The following OSBPL1A variants were observed in gnomAD, a reference collection of about 807,000 sequenced individuals.
OSBPL1A encodes oxysterol binding protein like 1A.
A neutral mutation model predicts 137.1 loss-of-function variants in OSBPL1A; 80 were observed. The observed-to-expected ratio is 0.58, with a 90% CI of 0.49 to 0.70. OSBPL1A has a LOEUF of 0.70. Among genes scored for constraint, OSBPL1A ranks in the 30% least tolerant of loss-of-function variants. The pLI is 0.00. For synonymous variants in OSBPL1A, 365 were observed against 389.7 expected, an observed-to-expected ratio of 0.94 and a Z score of 0.75; for missense variants, 970 against 1,129.4, an observed-to-expected ratio of 0.86 and a Z score of 2.02.
intron 16 of OSBPL1A, among the ~76,000 whole-genome samples, chr18:24,227,532 T>C (rs2088123908): frequency 6.6e-6 from 1 of 152,172 alleles, no homozygotes; most frequent in South Asian, 2.1e-4. Flanking sequence ...ATGGGAGCAA[T>C]ACAATGACAG....
chr18:24,201,909 T>G (rs538495783), intron 17 of OSBPL1A, among the ~76,000 whole-genome samples: 8 of 152,270 alleles, frequency 5.3e-5, no homozygotes, highest in African/African-American at 1.9e-4. Context: ...CACTCAACAC[T>G]GTTTGCTCAT....
intron 1 of OSBPL1A, among the ~76,000 whole-genome samples, chr18:24,387,651 G>A (rs552714705): frequency 1.3e-5 from 2 of 152,076 alleles, no homozygotes; most frequent in South Asian, 4.2e-4. Context: ...CTGGGCTTAA[G>A]TGATTCTCTA....
intron 1 of OSBPL1A, among the ~76,000 whole-genome samples, chr18:24,392,867 C>CT (rs752344458): frequency 6.6e-6 from 1 of 151,986 alleles, no homozygotes; most frequent in Non-Finnish European, 1.5e-5. Flanking sequence ...ATTTTTGTAT[C>CT]TTTTATAGAG....
chr18:24,200,998 C>T (rs560666605), intron 17 of OSBPL1A, among the ~76,000 whole-genome samples: 1 of 151,880 alleles, frequency 6.6e-6, no homozygotes, highest in East Asian at 1.9e-4. Context: ...TTACTCCAGG[C>T]AGAAATAAGA....
intron 4 of OSBPL1A, among the ~76,000 whole-genome samples, chr18:24,348,955 C>T (rs2091392682): frequency 6.6e-6 from 1 of 151,830 alleles, no homozygotes; most frequent in South Asian, 2.1e-4. Context: ...TCACTTGAGC[C>T]GAGGAGTTCG....
intron 15 of OSBPL1A, among the ~76,000 whole-genome samples, chr18:24,259,190 A>T (rs2089376710): frequency 6.6e-6 from 1 of 152,030 alleles, no homozygotes; most frequent in Non-Finnish European, 1.5e-5. Flanking sequence ...TATAGGCGAG[A>T]GCCACCACGC....
Position 24,163,064 on chromosome 18 carries a change from A to T in OSBPL1A, c.*115T>A. ...TTGGGTGAAATGCAGTTATCTCATG[A>T]GTGTTTTTTCATTTTTTTTTTTAAA... On this transcript the variant is annotated 3_prime_UTR_variant, in exon 28 of 28. Transcript: ENST00000319481. The T allele has an allele frequency of 1.5e-6, 1 of 688,076 alleles. No homozygotes were observed. The highest frequency in any genetic ancestry group is 2.3e-6 in the Non-Finnish European group (1 of 428,530). The allele number at this position is 688,076 out of a possible 1,614,324, so 42.6% of individuals were successfully genotyped here.
chr18:24,179,060 G>A, intron 20 of OSBPL1A: 1 of 152,338 alleles, frequency 6.6e-6, no homozygotes, highest in South Asian at 2.1e-4. Context: ...TGTTGCCCAG[G>A]CTGGAGCGCA....
chr18:24,312,120 A>G lies in OSBPL1A; in HGVS notation c.970-14T>C. 6.2e-7 allele frequency: 1 copy of G among 1,613,138 alleles called. No individual in the cohort carries two copies. The highest frequency in any genetic ancestry group is 8.5e-7 in the Non-Finnish European group (1 of 1,179,548). ...TTCCAGCCAGTCCTGAAATCATGCA[A>G]GAATTTAAATGAGAGTGAAAAGCAT... On this transcript the variant is annotated splice_polypyrimidine_tract_variant and intron_variant, in intron 12 of 27. Coordinates refer to ENST00000319481, the MANE Select transcript of OSBPL1A (RefSeq NM_080597.4).
At chr18:24,257,992 T>A (rs375036223) in intron 15 of OSBPL1A, among the ~76,000 whole-genome samples, 1 of 152,124 alleles carries the variant, frequency 6.6e-6, no homozygotes, top group South Asian at 2.1e-4. Context: ...GGCAAGGATG[T>A]GGAGAAAGGG....
At chr18:24,287,559 G>A (rs930164155) in intron 14 of OSBPL1A, among the ~76,000 whole-genome samples, 1 of 152,142 alleles carries the variant, frequency 6.6e-6, no homozygotes, top group East Asian at 1.9e-4. Context: ...GATCACCTGA[G>A]ATCAGGAGTT....
At chr18:24,272,248 CTTTTT>C (rs2089742892) in intron 15 of OSBPL1A, 1 of 976,774 alleles carries the variant, frequency 1.0e-6, no homozygotes, top group Non-Finnish European at 1.2e-6. Flanking sequence ...TTTTTTTTTT[CTTTTT>C]TCTTTTTTTT....
At chr18:24,304,286 C>T (rs2090459879) in intron 13 of OSBPL1A, among the ~76,000 whole-genome samples, 1 of 152,084 alleles carries the variant, frequency 6.6e-6, no homozygotes, top group African/African-American at 2.4e-5. Flanking sequence ...AGAAAGCATT[C>T]TTCCTTGTAA....
Position 24,333,010 on chromosome 18 carries a change from C to T in OSBPL1A, c.557G>A (p.Arg186Gln), listed in dbSNP as rs777864378. 2.0e-5 allele frequency: 33 copies of T among 1,614,002 alleles called. No individual in the cohort carries two copies. The highest frequency in any genetic ancestry group is 1.2e-4 in the Admixed American group (7 of 60,000). The change falls in exon 7 of 28, where the codon CGG becomes CAG. Residue 186 changes from arginine (R) to glutamine (Q), a missense_variant. This residue lies in a region of OSBPL1A where 647 missense variants were observed against 672.6 expected (regional missense o/e 0.96). Coordinates refer to ENST00000319481, the MANE Select transcript of OSBPL1A (RefSeq NM_080597.4). ...CTTTAAGGCACATTGTTTATGGGCCCGGTAAGCTGCACAATGCAAGGGTGT... is the reference window on the plus strand; with the variant it reads ...CTTTAAGGCACATTGTTTATGGGCCTGGTAAGCTGCACAATGCAAGGGTGT... Reference protein sequence around the residue: ...GNTPLHCAAYRAHKQCALKLL... With the variant: ...GNTPLHCAAYQAHKQCALKLL...
chr18:24,302,755 A>G (rs1180750233), intron 14 of OSBPL1A: 7 of 152,166 alleles, frequency 4.6e-5, no homozygotes, highest in Non-Finnish European at 1.0e-4. Context: ...TTGAGAACTC[A>G]TAATAGAGAA....
intron 20 of OSBPL1A, chr18:24,179,239 TG>T (rs1449597801): frequency 6.4e-6 from 1 of 157,444 alleles, no homozygotes; most frequent in African/African-American, 2.4e-5. Flanking sequence ...CAAGAGATCC[TG>T]CTGCCTCAGC....
intron 14 of OSBPL1A, among the ~76,000 whole-genome samples, chr18:24,281,882 G>A (rs1251906233): frequency 6.6e-6 from 1 of 152,156 alleles, no homozygotes; most frequent in East Asian, 1.9e-4. Context: ...AGAGGTGAGT[G>A]GAGGGTGAGT....
chr18:24,245,421 A>G (rs2088852884), intron 15 of OSBPL1A, among the ~76,000 whole-genome samples: 2 of 152,114 alleles, frequency 1.3e-5, no homozygotes, highest in African/African-American at 4.8e-5. Flanking sequence ...AGGACCAACA[A>G]TGTTCTCACT....
At chr18:24,255,226 G>T (rs1427335910) in intron 15 of OSBPL1A, among the ~76,000 whole-genome samples, 1 of 152,164 alleles carries the variant, frequency 6.6e-6, no homozygotes, top group African/African-American at 2.4e-5. Context: ...TCCCAGTAAA[G>T]AAAAGCCTGG....
Sources: allele counts gnomAD v4.1 joint callset (sites outside exome capture counted in the v4.1 genomes callset), GRCh38; gene constraint gnomAD v4.1.1; regional missense constraint gnomAD v4.1.1; transcripts MANE v1.5; gene names NCBI Gene and HGNC (gene_info 2026-07-23, HGNC 2026-07-21).